GATB: variants seen among roughly 807,000 people sequenced by gnomAD.
The protein encoded by GATB is glutamyl-tRNA(Gln) amidotransferase subunit B, mitochondrial.
Under a neutral mutation model 62.3 loss-of-function variants are expected in GATB, and 39 were observed. The ratio of observed to expected loss-of-function variants is 0.63; its 90% CI spans 0.48 to 0.82. GATB has a LOEUF of 0.82. Ranked by LOEUF, GATB falls within the 40% of genes least tolerant of loss-of-function variation. GATB has a pLI of 0.00. For synonymous variants in GATB, 276 were observed against 258.9 expected (o/e 1.07, Z -0.63); for missense variants, 670 against 684.0 (o/e 0.98, Z 0.23).
chr4:151,695,814 G>C (rs1738457002), intron 9 of GATB, among the ~76,000 whole-genome samples: 1 of 152,104 alleles, frequency 6.6e-6, no homozygotes, highest in African/African-American at 2.4e-5. Context: ...CTGGACTGCA[G>C]TGGCACGACC....
chr4:151,716,427 T>G (rs1160292222), intron 4 of GATB, among the ~76,000 whole-genome samples: 2 of 151,946 alleles, frequency 1.3e-5, no homozygotes, highest in Non-Finnish European at 2.9e-5. Context: ...GGGATACAGG[T>G]GTATGGCACC....
chr4:151,686,068 C>CAAAACA (rs1738238402), intron 10 of GATB, among the ~76,000 whole-genome samples: 1 of 150,920 alleles, frequency 6.6e-6, no homozygotes, highest in African/African-American at 2.4e-5. Flanking sequence ...CAAAACAAAA[C>CAAAACA]AAAAAAAAGA....
intron 2 of GATB, among the ~76,000 whole-genome samples, chr4:151,737,123 G>C (rs1477641019): frequency 6.6e-6 from 1 of 152,202 alleles, no homozygotes; most frequent in Non-Finnish European, 1.5e-5. Context: ...AGTTTGGAGG[G>C]CTCAGAAGAA....
chr4:151,708,618 A>G (rs964815256), intron 5 of GATB, among the ~76,000 whole-genome samples: 2 of 152,226 alleles, frequency 1.3e-5, no homozygotes, highest in African/African-American at 4.8e-5. Flanking sequence ...CTCAAGGGCA[A>G]GAACTGAAAT....
intron 9 of GATB, among the ~76,000 whole-genome samples, chr4:151,689,973 G>T (rs1157472784): frequency 6.6e-6 from 1 of 152,136 alleles, no homozygotes; most frequent in African/African-American, 2.4e-5. Context: ...AAATTCAGAG[G>T]ATATACGTTT....
At chr4:151,729,186 T>C (rs1177832490) in intron 2 of GATB, among the ~76,000 whole-genome samples, 6 of 152,202 alleles carry the variant, frequency 3.9e-5, no homozygotes, top group Admixed American at 1.3e-4. Context: ...CAAACTTTCA[T>C]AGGGCAAACT....
At chr4:151,699,019 C>A (rs1364931903) in intron 9 of GATB, among the ~76,000 whole-genome samples, 2 of 151,454 alleles carry the variant, frequency 1.3e-5, no homozygotes, top group South Asian at 2.1e-4. Context: ...TGTATAAATT[C>A]TTGGAAGGCA....
At chr4:151,684,419 C>A (rs1738203453) in intron 10 of GATB, among the ~76,000 whole-genome samples, 1 of 152,234 alleles carries the variant, frequency 6.6e-6, no homozygotes, top group African/African-American at 2.4e-5. Context: ...AGGTTGGACC[C>A]TTCAAACATC....
chr4:151,725,262 G>C (rs945521793), intron 2 of GATB, among the ~76,000 whole-genome samples: 27 of 152,332 alleles, frequency 1.8e-4, no homozygotes, highest in Middle Eastern at 6.8e-3. Context: ...GCCTCCTGCT[G>C]GCCTAACCCA....
chr4:151,692,333 C>T (rs545764097), intron 9 of GATB, among the ~76,000 whole-genome samples: 19 of 152,344 alleles, frequency 1.2e-4, no homozygotes, highest in Admixed American at 2.6e-4. Flanking sequence ...GGGACCGAAA[C>T]TGAGCACCTA....
chr4:151,726,996 A>AG (rs1206188009), intron 2 of GATB, among the ~76,000 whole-genome samples: 3 of 152,182 alleles, frequency 2.0e-5, no homozygotes, highest in Non-Finnish European at 4.4e-5. Flanking sequence ...AGCTCAAGGC[A>AG]GCCTAGATCT....
chr4:151,698,199 C>T (rs1738527170), intron 9 of GATB, among the ~76,000 whole-genome samples: 1 of 151,792 alleles, frequency 6.6e-6, no homozygotes, highest in South Asian at 2.1e-4. Flanking sequence ...CATTCACTCA[C>T]CCGTCTGTCC....
rs3749561 is a variant in GATB, at chr4:151,688,965, T to C, written c.1198-202A>G. Among the ~76,000 whole-genome samples, 85,513 of 151,972 alleles carry C rather than the reference T, an allele frequency of 0.56. 25,613 individuals are homozygous for C. The highest frequency in any genetic ancestry group is 0.78 in the African/African-American group (32,428 of 41,456). On this transcript the variant is annotated intron_variant, in intron 9 of 12. Transcript: ENST00000263985. The stretch of plus-strand genomic sequence containing the variant: ...CTACTACTGTCACTGTGCATTTACA[T>C]AGCATTTTCTCAAAAGGATAAACAC...
chr4:151,672,983 G>C, intron 11 of GATB, 87 bp from the exon 12 acceptor site: 1 of 1,511,386 alleles, frequency 6.6e-7, no homozygotes, highest in Non-Finnish European at 9.0e-7. Flanking sequence ...GTGTGGAGCT[G>C]GGGTGGGAAT....
At position 151,701,349 on chromosome 4, in the gene GATB, C is replaced by G; in HGVS notation, c.1177G>C (p.Glu393Gln). The change falls in exon 9 of 13, where the codon GAA becomes CAA. Residue 393 changes from glutamate to glutamine, a missense_variant. Transcript: ENST00000263985. ...CCTACCAGCAAAGTGAAGCTGTGTTCCAGCAGCATCCCATACTGTTGGACA... is the reference window on the plus strand; with the variant it reads ...CCTACCAGCAAAGTGAAGCTGTGTTGCAGCAGCATCCCATACTGTTGGACA... ...KLVQQYGMLLEHSFTLLNEVG... is the reference protein window; with the variant it reads ...KLVQQYGMLLQHSFTLLNEVG... 1 of 1,564,078 alleles carries G rather than the reference C, an allele frequency of 6.4e-7. No homozygotes were observed. Among genetic ancestry groups the G allele is most frequent in the Non-Finnish European group, 8.7e-7 (1 of 1,154,502 alleles).
At chr4:151,691,707 G>C (rs1030331507) in intron 9 of GATB, 2 of 152,244 alleles carry the variant, frequency 1.3e-5, no homozygotes, top group Non-Finnish European at 2.9e-5. Flanking sequence ...AGTTGGAATA[G>C]GATGAAGGCT....
chr4:151,741,879 G>A (rs1739495075), intron 2 of GATB, among the ~76,000 whole-genome samples: 1 of 152,104 alleles, frequency 6.6e-6, no homozygotes, highest in African/African-American at 2.4e-5. Context: ...CTTTTTTTGG[G>A]AAAATGATCA....
chr4:151,718,009 C>T (rs1738947436), intron 3 of GATB, among the ~76,000 whole-genome samples: 1 of 152,192 alleles, frequency 6.6e-6, no homozygotes, highest in Non-Finnish European at 1.5e-5. Context: ...GCTCCAAAAT[C>T]CGTGTCTTTC....
intron 12 of GATB, among the ~76,000 whole-genome samples, chr4:151,672,310 C>T (rs1029342162): frequency 3.3e-5 from 5 of 152,314 alleles, no homozygotes; most frequent in African/African-American, 1.2e-4. Flanking sequence ...TTCCCTTCTG[C>T]CTTTCTTCCC....
Sources: allele counts gnomAD v4.1 joint callset (sites outside exome capture counted in the v4.1 genomes callset), GRCh38; gene constraint gnomAD v4.1.1; transcripts MANE v1.5; gene names NCBI Gene and HGNC (gene_info 2026-07-23, HGNC 2026-07-21).